The following EPHB4 variants were observed in gnomAD, a reference collection of about 807,000 sequenced individuals.
The protein encoded by EPHB4 is EPH receptor B4.
In EPHB4, 50 loss-of-function variants were observed where a neutral mutation model predicts 110.6. That is an observed-to-expected ratio of 0.45 (90% CI 0.36 to 0.57). The LOEUF (loss-of-function observed/expected upper bound fraction) is 0.57. EPHB4 is among the 20% of genes least tolerant of loss of function. The pLI, the probability that EPHB4 is intolerant of heterozygous loss-of-function variation, is 0.00. For synonymous variants in EPHB4, 592 were observed against 578.4 expected (o/e 1.02, Z -0.34); for missense variants, 1,128 against 1,382.1 (o/e 0.82, Z 2.91).
Position 100,805,704 on chromosome 7 carries a change from G to A in EPHB4, c.2485-10C>T. On this transcript the variant is annotated splice_polypyrimidine_tract_variant and intron_variant, in intron 14 of 16. Coordinates refer to ENST00000358173, the MANE Select transcript of EPHB4 (RefSeq NM_004444.5). ...CAATGGCATTGATCACCTGGAAAGA[G>A]GGGAAGAAGCTCTGGGTGAGGCTGT... The A allele has an allele frequency of 2.7e-6, 4 of 1,456,192 alleles. No individual in the cohort carries two copies. The highest frequency in any genetic ancestry group is 3.6e-6 in the Non-Finnish European group (4 of 1,104,350). 90.2% of individuals were successfully genotyped at this position (1,456,192 alleles called of 1,614,324 possible).
chr7:100,809,437 G>T (rs551005490), intron 12 of EPHB4, among the ~76,000 whole-genome samples: 2 of 152,138 alleles, frequency 1.3e-5, no homozygotes, highest in South Asian at 4.2e-4. Flanking sequence ...TCCTGCCAAA[G>T]CCCTCCAGCG....
rs966565228 is a variant in EPHB4 at position 100,816,522 on chromosome 7, C to T, written c.1588+670G>A. ...CTAACTTCTATATTTTTAGTAGAGA[C>T]GCGGTTTCACCATGCTGGTCAGACT... On this transcript the variant is annotated intron_variant, in intron 8 of 16. Transcript: ENST00000358173. Among the ~76,000 whole-genome samples, 6 of 151,970 alleles carry T rather than the reference C, an allele frequency of 3.9e-5. No homozygotes were observed. The East Asian group carries it at 6.0e-4, about 15-fold the overall frequency.
rs533561193 is a variant in EPHB4, at chr7:100,810,311, C to T, written c.2118+2436G>A. On this transcript the variant is annotated intron_variant, in intron 12 of 16. Transcript: ENST00000358173. The stretch of plus-strand genomic sequence containing the variant: ...GATAGAGCTTCTCTTACAGGAAATA[C>T]AGAGAGACAAGCTAAATGATCCCAT... Among the ~76,000 whole-genome samples the T allele has an allele frequency of 1.2e-4, 19 of 152,162 alleles. No individual in the cohort carries two copies. In the East Asian group the frequency reaches 3.3e-3, roughly 26 times the overall value.
In EPHB4 at chr7:100,817,225, C is replaced by T. The variant is rs761047725; in HGVS notation, c.1555G>A (p.Gly519Ser). 1.5e-5 allele frequency: 24 copies of T among 1,591,000 alleles called. No homozygotes were observed. Among genetic ancestry groups the T allele is most frequent in the Admixed American group, 1.4e-4 (8 of 57,274 alleles). The change falls in exon 8 of 17, where the codon GGC (glycine) becomes AGC (serine). Residue 519 changes from glycine (G) to serine (S), a missense_variant. Gly to Ser is a moderately conservative substitution (Grantham distance 56). Around this residue, in one of 3 missense-constraint regions of EPHB4, gnomAD observed 728 missense variants for 828.6 expected, o/e 0.88. Transcript: ENST00000358173. ...ARSEAGYGPFGQEHHSQTQLD... is the reference protein window; with the variant it reads ...ARSEAGYGPFSQEHHSQTQLD... ...TGGGTCTGGCTGTGATGTTCCTGGC[C>T]GAAGGGCCCGTAGCCGGCCTCAGAG...
At chr7:100,826,957 C>CT (rs774554465) in intron 1 of EPHB4, 22 bp downstream of exon 1, 2 of 1,538,690 alleles carry the variant, frequency 1.3e-6, no homozygotes, top group East Asian at 4.9e-5. Context: ...CGGGGTGCGC[C>CT]CCCCCCCGCA....
chr7:100,824,029 G>T (rs1395004974), intron 2 of EPHB4, 98 bp from the exon 3 acceptor site: 2 of 1,511,278 alleles, frequency 1.3e-6, no homozygotes, highest in Non-Finnish European at 1.8e-6. Context: ...GAGAAAGGGG[G>T]GCTGCTGGTA....
chr7:100,826,880 A>G (rs1487135865), intron 1 of EPHB4, 99 bp downstream of exon 1: 1 of 1,240,860 alleles, frequency 8.1e-7, no homozygotes, highest in Non-Finnish European at 1.1e-6. Flanking sequence ...GTGCCCGGGT[A>G]GGGGTAGTCA....
chr7:100,826,882 G>C (rs906591137), intron 1 of EPHB4, 97 bp downstream of exon 1: 1 of 1,409,560 alleles, frequency 7.1e-7, no homozygotes, highest in Non-Finnish European at 9.6e-7. Flanking sequence ...GCCCGGGTAG[G>C]GGTAGTCAGA....
rs1812978404 is a variant in EPHB4, at chr7:100,813,095, C to T, written c.1870G>A (p.Gly624Ser). Reference protein sequence around the residue: ...YVKIEEVIGAGEFGEVCRGRL... With the variant: ...YVKIEEVIGASEFGEVCRGRL... ...TGCCCGGGCAGCCTTCGGCTCTCAC[C>T]TGCACCAATCACCTCTTCAATCTTG... Residue 624 changes from glycine (G) to serine (S), a missense_variant and splice_region_variant, in exon 11 of 17, where the codon GGT (glycine) becomes AGT (serine). Gly to Ser is a moderately conservative substitution (Grantham distance 56, BLOSUM62 0). This residue lies in a region of EPHB4 where 191 missense variants were observed against 313.0 expected (regional missense o/e 0.61). Transcript: ENST00000358173. 6.2e-7 allele frequency: 1 copy of T among 1,613,414 alleles called. No homozygotes were observed.
intron 12 of EPHB4, among the ~76,000 whole-genome samples, chr7:100,811,538 C>G (rs1000968555): frequency 3.9e-5 from 6 of 151,910 alleles, no homozygotes; most frequent in African/African-American, 1.5e-4. Flanking sequence ...GGGAGGATGA[C>G]CGGTGCGTAG....
At chr7:100,808,207 C>A (rs1185641951) in intron 12 of EPHB4, among the ~76,000 whole-genome samples, 1 of 152,148 alleles carries the variant, frequency 6.6e-6, no homozygotes, top group East Asian at 1.9e-4. Flanking sequence ...AAATACTCAA[C>A]AAATGCTTTT....
At chr7:100,806,337 ACT>A in intron 14 of EPHB4, 81 bp downstream of exon 14, 1 of 1,492,166 alleles carries the variant, frequency 6.7e-7, no homozygotes, top group Non-Finnish European at 9.0e-7. Context: ...AGCAGTGATG[ACT>A]CTCTGGGAAC....
Position 100,807,228 on chromosome 7 carries a change from C to G in EPHB4, c.2334+137G>C, listed in dbSNP as rs953322178. The stretch of plus-strand genomic sequence containing the variant: ...CTGGAAGTCGGCTTCCTGGAGCTGA[C>G]TGTCCCCCCACCCACAGCCTGCTCC... On this transcript the variant is annotated intron_variant, in intron 13 of 16. Coordinates refer to ENST00000358173, the MANE Select transcript of EPHB4 (RefSeq NM_004444.5). 4.8e-6 allele frequency: 4 copies of G among 833,440 alleles called. No homozygotes were observed. In the African/African-American group the frequency reaches 6.9e-5, roughly 14 times the overall value. 51.6% of individuals were successfully genotyped at this position (833,440 alleles called of 1,614,324 possible).
chr7:100,818,688 C>G (rs1351921730), intron 6 of EPHB4, 44 bp from the exon 7 acceptor site: 1 of 1,579,128 alleles, frequency 6.3e-7, no homozygotes, highest in Admixed American at 1.8e-5. Flanking sequence ...CATGGTAGCT[C>G]TGTCCCTTAA....
intron 16 of EPHB4, among the ~76,000 whole-genome samples, chr7:100,804,687 G>A (rs1248263432): frequency 6.6e-6 from 1 of 152,090 alleles, no homozygotes; most frequent in African/African-American, 2.4e-5. Flanking sequence ...GGAACGGGAA[G>A]GCAGAAAGGG....
chr7:100,814,148 G>C, intron 8 of EPHB4, 127 bp from the exon 9 acceptor site: 1 of 991,646 alleles, frequency 1.0e-6, no homozygotes, highest in Non-Finnish European at 1.5e-6. Context: ...GGTGGAGGGA[G>C]AGGACACAAG....
chr7:100,814,777 T>C (rs755203740), intron 8 of EPHB4, among the ~76,000 whole-genome samples: 1 of 151,384 alleles, frequency 6.6e-6, no homozygotes, highest in East Asian at 1.9e-4. Context: ...CACTCTGAGA[T>C]ACTGAGGTGG....
In EPHB4 at chr7:100,812,449, C is replaced by T. The variant is rs577513230; in HGVS notation, c.2118+298G>A. On this transcript the variant is annotated intron_variant, in intron 12 of 16. Transcript: ENST00000358173. ...TACTAAAAATACAAAAATTAGTCAG[C>T]ATGGTGGTGCATGCCTATAGTACCA... Among the ~76,000 whole-genome samples the T allele has an allele frequency of 1.1e-3, 163 of 152,084 alleles. 1 individual carries two copies. The highest frequency in any genetic ancestry group is 3.2e-3 in the African/African-American group (132 of 41,496).
At chr7:100,805,991 G>A (rs752566022) in intron 14 of EPHB4, 3 of 334,428 alleles carry the variant, frequency 9.0e-6, no homozygotes, top group Non-Finnish European at 1.1e-5. Flanking sequence ...ACAGAGTCTC[G>A]CTCAGTTGCC....
Sources: gnomAD v4.1 joint callset for allele counts (sites outside exome capture counted in the v4.1 genomes callset) on GRCh38, gnomAD v4.1.1 for gene constraint, gnomAD v4.1.1 regional missense constraint, MANE v1.5 for transcripts, NCBI Gene and HGNC (gene_info 2026-07-23, HGNC 2026-07-21) for gene names.